The following MALRD1 variants were observed in gnomAD, a reference collection of about 807,000 sequenced individuals.
The protein encoded by MALRD1 is MAM and LDL-receptor class A domain-containing protein 1.
In MALRD1, 247 loss-of-function variants were observed where a neutral mutation model predicts 242.1. The observed-to-expected ratio is 1.02, with a 90% CI of 0.92 to 1.13. MALRD1 has a LOEUF of 1.13. Ranked by LOEUF, MALRD1 falls within the 50% of genes most tolerant of loss-of-function variation. The pLI is 0.00. For missense variants in MALRD1, 2,989 were observed against 2,533.1 expected (o/e 1.18, Z -3.86); for synonymous variants, 995 against 866.6 (o/e 1.15, Z -2.60).
At chr10:19,718,069 G>A (rs1274927122) in intron 38 of MALRD1, among the ~76,000 whole-genome samples, 1 of 146,132 alleles carries the variant, frequency 6.8e-6, no homozygotes, top group African/African-American at 2.6e-5. Flanking sequence ...GGAAGAAGAA[G>A]AAGGAGAGGA....
intron 34 of MALRD1, among the ~76,000 whole-genome samples, chr10:19,604,228 G>T (rs1838501222): frequency 1.3e-5 from 2 of 152,144 alleles, no homozygotes; most frequent in African/African-American, 2.4e-5. Context: ...CAGCCTTATT[G>T]TGGATATGGA....
intron 19 of MALRD1, among the ~76,000 whole-genome samples, chr10:19,279,019 TCACC>T (rs1259560661): frequency 6.6e-6 from 1 of 152,090 alleles, no homozygotes; most frequent in African/African-American, 2.4e-5. Context: ...GACACTGCAC[TCACC>T]AGACAATGGA....
chr10:19,613,510 C>T (rs1838995394), intron 35 of MALRD1, among the ~76,000 whole-genome samples: 1 of 151,970 alleles, frequency 6.6e-6, no homozygotes, highest in Admixed American at 6.6e-5. Context: ...TTAAATATCT[C>T]TTAAAAATTC....
rs1369316340 is a variant in MALRD1, at chr10:19,171,723, T to TGC, written c.1831-3485_1831-3484insGC. Among the ~76,000 whole-genome samples, 3 of 126,522 alleles carry TGC rather than the reference T, an allele frequency of 2.4e-5. 1 individual carries two copies. Among genetic ancestry groups the TGC allele is most frequent in the African/African-American group, 8.3e-5 (3 of 36,244 alleles). The allele number at this position is 126,522 out of a possible 152,430, so 83.0% of individuals were successfully genotyped here. A position where few individuals can be genotyped will look rare whatever the true frequency, so the allele number is the denominator to read the frequency against. On this transcript the variant is annotated intron_variant, in intron 13 of 39. Coordinates refer to ENST00000454679, the MANE Select transcript of MALRD1 (RefSeq NM_001142308.3). ...GTGTGTATATATACGTATATACACGTATATACGTATATATATCATATAATA... is the reference window on the plus strand; with the variant it reads ...GTGTGTATATATACGTATATACACGTGCATATACGTATATATATCATATAATA...
chr10:19,489,341 A>G, intron 29 of MALRD1: 3 of 538,080 alleles, frequency 5.6e-6, no homozygotes, highest in Non-Finnish European at 7.5e-6. Flanking sequence ...AAACGGGGAA[A>G]GGAAAACTGA....
intron 24 of MALRD1, among the ~76,000 whole-genome samples, chr10:19,336,080 C>T (rs1843600835): frequency 6.6e-6 from 1 of 152,060 alleles, no homozygotes; most frequent in Non-Finnish European, 1.5e-5. Flanking sequence ...GTACATCCTG[C>T]TTTAATTATC....
chr10:19,371,210 C>A (rs984272320), intron 26 of MALRD1, among the ~76,000 whole-genome samples: 4 of 152,012 alleles, frequency 2.6e-5, no homozygotes, highest in Non-Finnish European at 5.9e-5. Context: ...GATGGCCCTA[C>A]TGCACTTTAG....
At chr10:19,126,048 T>C (rs1212165345) in intron 7 of MALRD1, among the ~76,000 whole-genome samples, 3 of 152,058 alleles carry the variant, frequency 2.0e-5, no homozygotes, top group African/African-American at 7.2e-5. Flanking sequence ...CATACAATTT[T>C]AGAATTTTTT....
intron 12 of MALRD1, among the ~76,000 whole-genome samples, chr10:19,164,534 C>T (rs972265227): frequency 1.3e-5 from 2 of 152,138 alleles, no homozygotes; most frequent in African/African-American, 4.8e-5. Context: ...TTCTTTAAAA[C>T]ATACAGCCTT....
chr10:19,439,695 A>G (rs1294228080), intron 28 of MALRD1, among the ~76,000 whole-genome samples: 2 of 152,166 alleles, frequency 1.3e-5, no homozygotes, highest in Admixed American at 6.6e-5. Flanking sequence ...TAATGTATTT[A>G]GTGTGTGTAT....
chr10:19,664,046 A>G (rs1841565077), intron 36 of MALRD1, among the ~76,000 whole-genome samples: 1 of 152,096 alleles, frequency 6.6e-6, no homozygotes, highest in Admixed American at 6.5e-5. Context: ...TAAGTGGTTC[A>G]TTGATTCCTG....
intron 5 of MALRD1, among the ~76,000 whole-genome samples, chr10:19,118,457 G>A (rs1173100990): frequency 1.3e-5 from 2 of 152,160 alleles, no homozygotes; most frequent in Non-Finnish European, 2.9e-5. Context: ...CAGGTCATAG[G>A]TGGATTCATA....
At chr10:19,514,887 G>A (rs560821028) in intron 31 of MALRD1, among the ~76,000 whole-genome samples, 2 of 152,094 alleles carry the variant, frequency 1.3e-5, no homozygotes, top group South Asian at 2.1e-4. Context: ...TTCTTGTTTT[G>A]TATCAGTGTA....
chr10:19,526,633 G>T (rs1474233979), intron 31 of MALRD1, among the ~76,000 whole-genome samples: 1 of 152,054 alleles, frequency 6.6e-6, no homozygotes, highest in Non-Finnish European at 1.5e-5. Flanking sequence ...ATTTGAAGAT[G>T]TTAAGTGGCG....
rs553679445 is a variant in MALRD1, at chr10:19,216,762, G to A, written c.2991+7082G>A. On this transcript the variant is annotated intron_variant, in intron 18 of 39. Transcript: ENST00000454679. ...AGATCGAGACCATCCTGGCTAACACGGTGAAACCCCATCTCTACTAAAAAA... is the reference window on the plus strand; with the variant it reads ...AGATCGAGACCATCCTGGCTAACACAGTGAAACCCCATCTCTACTAAAAAA... Among the ~76,000 whole-genome samples, 306 of 151,644 alleles carry A rather than the reference G, an allele frequency of 2.0e-3. 4 individuals carry two copies. The highest frequency in any genetic ancestry group is 8.2e-4 in the Non-Finnish European group (56 of 67,904).
chr10:19,550,415 T>C (rs1000478485), intron 32 of MALRD1, among the ~76,000 whole-genome samples: 19 of 152,136 alleles, frequency 1.2e-4, no homozygotes, highest in African/African-American at 4.6e-4. Flanking sequence ...TCTTGGTTTT[T>C]TCTTTATTAT....
chr10:19,643,407 A>T (rs1035368123), intron 36 of MALRD1, among the ~76,000 whole-genome samples: 1 of 152,156 alleles, frequency 6.6e-6, no homozygotes, highest in Non-Finnish European at 1.5e-5. Context: ...GACTGTGCCA[A>T]CGCACTTCAG....
chr10:19,538,751 G>A (rs746766650), intron 32 of MALRD1, among the ~76,000 whole-genome samples: 28 of 151,018 alleles, frequency 1.9e-4, no homozygotes, highest in Non-Finnish European at 2.4e-4. Context: ...TATACTTTTC[G>A]TAATATTTTT....
rs530051413 is a variant in MALRD1 at position 19,393,519 on chromosome 10, C to T, written c.4845+3910C>T. 2.8e-5 allele frequency among the ~76,000 whole-genome samples: 4 copies of T among 140,412 alleles called. No homozygotes were observed. The East Asian group carries it at 8.5e-4, about 30-fold the overall frequency. 92.1% of individuals were successfully genotyped at this position (140,412 alleles called of 152,430 possible). A position where few individuals can be genotyped will look rare whatever the true frequency, so the allele number is the denominator to read the frequency against. On this transcript the variant is annotated intron_variant, in intron 28 of 39. Transcript: ENST00000454679. ...GGAGTGCAGTGGTGTGATCTCGGCT[C>T]ACTGCAAGCTCCGTCTCCCGGGTTC...
Sources: allele counts gnomAD v4.1 joint callset (sites outside exome capture counted in the v4.1 genomes callset), GRCh38; gene constraint gnomAD v4.1.1; transcripts MANE v1.5; gene names NCBI Gene and HGNC (gene_info 2026-07-23, HGNC 2026-07-21).